Variants in OPRM1 observed in about 807,000 individuals in gnomAD.
The protein encoded by OPRM1 is mu-type opioid receptor.
A neutral mutation model predicts 31.8 loss-of-function variants in OPRM1; 27 were observed. The observed-to-expected ratio is 0.85, with a 90% CI of 0.63 to 1.17. The LOEUF (loss-of-function observed/expected upper bound fraction) is 1.17. OPRM1 is among the 50% of genes most tolerant of loss of function. The pLI is 0.00. For synonymous variants in OPRM1, 196 were observed against 189.9 expected (o/e 1.03, Z -0.26); for missense variants, 536 against 511.1 (o/e 1.05, Z -0.47).
intron 3 of OPRM1, among the ~76,000 whole-genome samples, chr6:154,178,284 A>G (rs1800530193): frequency 6.6e-6 from 1 of 152,194 alleles, no homozygotes; most frequent in African/African-American, 2.4e-5. Context: ...AACTTAAAGT[A>G]TAATAATAAA....
At position 154,039,514 on chromosome 6, in the gene OPRM1, G is replaced by T. The variant is rs9282816; in HGVS notation, c.-31G>T. 1.9e-4 allele frequency: 299 copies of T among 1,590,018 alleles called. 1 individual carries two copies. The African/African-American group carries it at 3.3e-3, about 17-fold the overall frequency. ...AAGTCTCGGTGCTCCTGGCTACCTCGCACAGCGGTGCCCGCCCGGCCGTCA... is the reference window on the plus strand; with the variant it reads ...AAGTCTCGGTGCTCCTGGCTACCTCTCACAGCGGTGCCCGCCCGGCCGTCA... On this transcript the variant is annotated 5_prime_UTR_variant, in exon 1 of 4. Coordinates refer to ENST00000330432, the MANE Select transcript of OPRM1 (RefSeq NM_000914.5).
chr6:154,152,344 AAAGGAAAG>A (rs1798543634), intron 3 of OPRM1, among the ~76,000 whole-genome samples: 2 of 11,420 alleles, frequency 1.8e-4, no homozygotes, highest in Admixed American at 1.0e-3. Context: ...AGAAAGAAAG[AAAGGAAAG>A]AAAGAAAGAA....
At chr6:154,189,943 CA>C (rs35398081) in intron 3 of OPRM1, among the ~76,000 whole-genome samples, 21,832 of 135,984 alleles carry the variant, frequency 0.16, 1,838 homozygotes, top group South Asian at 0.24. Context: ...GACTCAGTCT[CA>C]AAAAAAAAAG....
intron 1 of OPRM1, among the ~76,000 whole-genome samples, chr6:154,061,368 C>A (rs191522967): frequency 6.6e-6 from 1 of 152,202 alleles, no homozygotes; most frequent in Admixed American, 6.5e-5. Context: ...ATTTAGAAAT[C>A]GCTTGGTTCT....
intron 3 of OPRM1, among the ~76,000 whole-genome samples, chr6:154,151,901 C>A (rs1055161597): frequency 6.6e-6 from 1 of 152,004 alleles, no homozygotes; most frequent in African/African-American, 2.4e-5. Context: ...GGGCCGGGCG[C>A]GGTGGCTCAA....
At chr6:154,116,584 C>CAAAAAAAAAAA (rs1293710740) in intron 3 of OPRM1, among the ~76,000 whole-genome samples, 1 of 72,932 alleles carries the variant, frequency 1.4e-5, no homozygotes, top group Non-Finnish European at 3.0e-5. Flanking sequence ...GACTCTGCCT[C>CAAAAAAAAAAA]AAAAAAAAAA....
intron 3 of OPRM1, among the ~76,000 whole-genome samples, chr6:154,197,117 T>C (rs1327756832): frequency 6.6e-6 from 1 of 152,238 alleles, no homozygotes; most frequent in Non-Finnish European, 1.5e-5. Flanking sequence ...AGCTCTCATT[T>C]TGAACCATGT....
At chr6:154,112,182 T>C (rs1225096795) in intron 3 of OPRM1, among the ~76,000 whole-genome samples, 1 of 152,226 alleles carries the variant, frequency 6.6e-6, no homozygotes, top group Non-Finnish European at 1.5e-5. Context: ...AAATGTCAAA[T>C]CTACTAACTG....
intron 3 of OPRM1, among the ~76,000 whole-genome samples, chr6:154,149,504 C>T (rs1213560161): frequency 2.0e-5 from 3 of 152,206 alleles, no homozygotes; most frequent in Admixed American, 1.3e-4. Context: ...GAGAAACAGC[C>T]TCCTCTTGAG....
chr6:154,068,099 A>G (rs1465154298), intron 1 of OPRM1, among the ~76,000 whole-genome samples: 1 of 152,060 alleles, frequency 6.6e-6, no homozygotes, highest in Non-Finnish European at 1.5e-5. Context: ...ACTTAATCCC[A>G]TATATCTATA....
At chr6:154,011,355 TA>T (rs1329877550) in intron 1 of OPRM1, among the ~76,000 whole-genome samples, 1 of 152,126 alleles carries the variant, frequency 6.6e-6, no homozygotes, top group East Asian at 1.9e-4. Flanking sequence ...TTGGACAACT[TA>T]TAGAGAAATC....
intron 1 of OPRM1, among the ~76,000 whole-genome samples, chr6:154,032,090 T>C (rs2128387902): frequency 6.6e-6 from 1 of 152,332 alleles, no homozygotes; most frequent in South Asian, 2.1e-4. Flanking sequence ...GAGCTCACTG[T>C]ACAACTCTGT....
intron 1 of OPRM1, among the ~76,000 whole-genome samples, chr6:154,064,194 A>C (rs1784922599): frequency 6.6e-6 from 1 of 152,062 alleles, no homozygotes; most frequent in Non-Finnish European, 1.5e-5. Flanking sequence ...GAGGTGTCTC[A>C]CTGTGGTTTA....
intron 1 of OPRM1, among the ~76,000 whole-genome samples, chr6:154,045,503 C>T (rs376126881): frequency 5.9e-5 from 9 of 152,176 alleles, no homozygotes; most frequent in African/African-American, 1.9e-4. Context: ...ACCTTGCACC[C>T]CCATGCCACC....
chr6:154,215,187 T>C (rs1383067480), intron 3 of OPRM1, among the ~76,000 whole-genome samples: 3 of 152,232 alleles, frequency 2.0e-5, no homozygotes, highest in African/African-American at 7.2e-5. Context: ...TTCAGCATAC[T>C]ACACTTGCAC....
At chr6:154,217,956 T>C (rs1296270177) in intron 3 of OPRM1, among the ~76,000 whole-genome samples, 1 of 152,220 alleles carries the variant, frequency 6.6e-6, no homozygotes, top group Non-Finnish European at 1.5e-5. Flanking sequence ...TCTCAGCCCT[T>C]ACCCAAAACT....
intron 3 of OPRM1, among the ~76,000 whole-genome samples, chr6:154,114,558 T>C (rs1030681324): frequency 6.6e-6 from 1 of 152,014 alleles, no homozygotes; most frequent in African/African-American, 2.4e-5. Context: ...TTTTGGAGGG[T>C]CAGCCAGGGA....
At chr6:154,177,293 C>T (rs1483076830) in intron 3 of OPRM1, among the ~76,000 whole-genome samples, 1 of 152,182 alleles carries the variant, frequency 6.6e-6, no homozygotes, top group African/African-American at 2.4e-5. Context: ...CAAACGGGAT[C>T]TAATTAAACT....
At chr6:154,032,462 ATCTC>A (rs778532169) in intron 1 of OPRM1, among the ~76,000 whole-genome samples, 5 of 152,138 alleles carry the variant, frequency 3.3e-5, no homozygotes, top group Non-Finnish European at 5.9e-5. Context: ...TAGAGACAGG[ATCTC>A]TCTCTATCAC....
Sources: allele counts gnomAD v4.1 joint callset (sites outside exome capture counted in the v4.1 genomes callset), GRCh38; gene constraint gnomAD v4.1.1; transcripts MANE v1.5; gene names NCBI Gene and HGNC (gene_info 2026-07-23, HGNC 2026-07-21).